The following CLCN3 variants were observed in gnomAD, a reference collection of about 807,000 sequenced individuals.
The protein encoded by CLCN3 is H(+)/Cl(-) exchange transporter 3.
A neutral mutation model predicts 83.4 loss-of-function variants in CLCN3; 16 were observed. The observed-to-expected ratio is 0.19, with a 90% CI of 0.13 to 0.29. The LOEUF is 0.29. Among genes scored for constraint, CLCN3 ranks in the 10% least tolerant of loss-of-function variants. The probability of loss-of-function intolerance (pLI) is 1.00; values close to 1 mark genes in which losing one functional copy is unlikely to be tolerated. For missense variants in CLCN3, 544 were observed against 1,006.0 expected, an observed-to-expected ratio of 0.54 and a Z score of 6.21; for synonymous variants, 322 against 346.2, an observed-to-expected ratio of 0.93 and a Z score of 0.78.
chr4:169,626,194 C>T (rs1045742440), intron 1 of CLCN3, among the ~76,000 whole-genome samples: 2 of 152,150 alleles, frequency 1.3e-5, no homozygotes, highest in Non-Finnish European at 2.9e-5. Context: ...AAACACTTAC[C>T]GGTTTATTAT....
At chr4:169,692,966 G>GGCATT (rs1347380896) in intron 7 of CLCN3, among the ~76,000 whole-genome samples, 1 of 151,906 alleles carries the variant, frequency 6.6e-6, no homozygotes, top group African/African-American at 2.4e-5. Context: ...TATTGCTCTG[G>GGCATT]GCATTTTCCT....
intron 11 of CLCN3, among the ~76,000 whole-genome samples, chr4:169,709,457 G>A (rs1733123740): frequency 6.6e-6 from 1 of 152,028 alleles, no homozygotes; most frequent in Admixed American, 6.6e-5. Flanking sequence ...GCTGAAGCAG[G>A]TGGATCACTT....
intron 2 of CLCN3, among the ~76,000 whole-genome samples, chr4:169,651,578 C>T (rs1730732734): frequency 1.3e-5 from 2 of 152,146 alleles, no homozygotes; most frequent in Non-Finnish European, 2.9e-5. Context: ...TTTAAATTGT[C>T]TGTAGATTAC....
At chr4:169,625,170 T>C (rs1208789897) in intron 1 of CLCN3, among the ~76,000 whole-genome samples, 1 of 152,256 alleles carries the variant, frequency 6.6e-6, no homozygotes, top group African/African-American at 2.4e-5. Context: ...TACATACAAA[T>C]GGCTAGCTCA....
intron 12 of CLCN3, among the ~76,000 whole-genome samples, chr4:169,714,033 T>C (rs540578258): frequency 6.6e-6 from 1 of 152,348 alleles, no homozygotes; most frequent in Non-Finnish European, 1.5e-5. Context: ...AGAATTGATT[T>C]AGCAAATACA....
chr4:169,661,877 CAGGAAG>C (rs1377433796), intron 2 of CLCN3, among the ~76,000 whole-genome samples: 6 of 151,990 alleles, frequency 3.9e-5, no homozygotes, highest in Admixed American at 6.6e-5. Context: ...GTTCTTTAAA[CAGGAAG>C]CAAGGTGAAT....
chr4:169,642,890 C>G (rs1730457905), intron 2 of CLCN3: 1 of 152,120 alleles, frequency 6.6e-6, no homozygotes, highest in Admixed American at 6.6e-5. Context: ...CACAATGACA[C>G]CATTATTATA....
intron 2 of CLCN3, among the ~76,000 whole-genome samples, chr4:169,650,972 G>T (rs983997947): frequency 5.9e-5 from 9 of 152,112 alleles, no homozygotes; most frequent in Non-Finnish European, 1.3e-4. Flanking sequence ...TGTTACTAAT[G>T]AACTAGGAAA....
intron 3 of CLCN3, among the ~76,000 whole-genome samples, chr4:169,686,812 G>C (rs1248135107): frequency 2.0e-5 from 3 of 152,176 alleles, no homozygotes; most frequent in African/African-American, 7.2e-5. Context: ...TAGTAAGAGA[G>C]GTGAGACTTA....
intron 2 of CLCN3, among the ~76,000 whole-genome samples, chr4:169,673,638 T>G (rs1731564383): frequency 2.0e-5 from 3 of 151,878 alleles, no homozygotes; most frequent in African/African-American, 7.3e-5. Flanking sequence ...AGAAGGGCAA[T>G]GTAGGAGGGA....
intron 7 of CLCN3, 95 bp from the exon 8 acceptor site, chr4:169,695,517 A>G: frequency 1.1e-6 from 1 of 890,418 alleles, no homozygotes; most frequent in South Asian, 1.5e-5. Flanking sequence ...TAAATTCAGA[A>G]AATCCATTTG....
intron 10 of CLCN3, among the ~76,000 whole-genome samples, chr4:169,706,108 G>A (rs932826845): frequency 6.6e-6 from 1 of 151,960 alleles, no homozygotes; most frequent in Non-Finnish European, 1.5e-5. Flanking sequence ...GCAGCTCACT[G>A]CAGCCTCAAA....
chr4:169,717,050 T>C (rs977623808), intron 12 of CLCN3, among the ~76,000 whole-genome samples: 1 of 152,216 alleles, frequency 6.6e-6, no homozygotes, highest in Non-Finnish European at 1.5e-5. Flanking sequence ...CTAATTATTT[T>C]CATGTATCCT....
At chr4:169,652,728 GTA>G (rs1730764661) in intron 2 of CLCN3, among the ~76,000 whole-genome samples, 1 of 152,184 alleles carries the variant, frequency 6.6e-6, no homozygotes, top group Non-Finnish European at 1.5e-5. Context: ...GACCAAGAAT[GTA>G]TGAGAGCTTC....
intron 2 of CLCN3, among the ~76,000 whole-genome samples, chr4:169,668,043 A>ATT (rs60739106): frequency 0.087 from 7,154 of 81,908 alleles, 403 homozygotes; most frequent in African/African-American, 0.1. Flanking sequence ...CCGGCCAGAC[A>ATT]TTTTTTTTTT....
intron 2 of CLCN3, among the ~76,000 whole-genome samples, chr4:169,654,162 G>T (rs545516329): frequency 2.0e-5 from 3 of 152,088 alleles, no homozygotes; most frequent in East Asian, 3.9e-4. Context: ...TCCTGATAAT[G>T]GTTGTGTGTC....
At chr4:169,699,861 A>C (rs1236982403) in intron 9 of CLCN3, among the ~76,000 whole-genome samples, 3 of 152,188 alleles carry the variant, frequency 2.0e-5, no homozygotes, top group Non-Finnish European at 4.4e-5. Flanking sequence ...CAGCCCAGGC[A>C]ACAGGGCAAG....
chr4:169,698,202 A>T (rs1581263979), intron 9 of CLCN3, among the ~76,000 whole-genome samples: 2 of 152,204 alleles, frequency 1.3e-5, no homozygotes, highest in Admixed American at 1.3e-4. Context: ...TAAATGGAGT[A>T]TCCATCACCT....
chr4:169,673,528 G>A (rs1375560231), intron 2 of CLCN3, among the ~76,000 whole-genome samples: 1 of 150,864 alleles, frequency 6.6e-6, no homozygotes, highest in African/African-American at 2.4e-5. Context: ...GGCTAGCGAT[G>A]TATTATGGAT....
Sources: gnomAD v4.1 joint callset for allele counts (sites outside exome capture counted in the v4.1 genomes callset) on GRCh38, gnomAD v4.1.1 for gene constraint, MANE v1.5 for transcripts, NCBI Gene and HGNC (gene_info 2026-07-23, HGNC 2026-07-21) for gene names.